The following HS6ST3 variants were observed in gnomAD, a reference collection of about 807,000 sequenced individuals.
HS6ST3 encodes heparan-sulfate 6-O-sulfotransferase 3.
A neutral mutation model predicts 36.7 loss-of-function variants in HS6ST3; 12 were observed. The ratio of observed to expected loss-of-function variants is 0.33; its 90% CI spans 0.21 to 0.53. HS6ST3 has a LOEUF of 0.53. HS6ST3 is among the 20% of genes least tolerant of loss of function. The pLI is 0.95. For synonymous variants in HS6ST3, 240 were observed against 257.5 expected, an observed-to-expected ratio of 0.93 and a Z score of 0.65; for missense variants, 584 against 640.9, an observed-to-expected ratio of 0.91 and a Z score of 0.96.
intron 1 of HS6ST3, among the ~76,000 whole-genome samples, chr13:96,615,176 C>T (rs1253247981): frequency 2.6e-5 from 4 of 152,130 alleles, no homozygotes; most frequent in African/African-American, 9.7e-5. Flanking sequence ...TACTGTTGCA[C>T]CAAACTGTAA....
At chr13:96,328,280 T>C (rs2055044136) in intron 1 of HS6ST3, among the ~76,000 whole-genome samples, 2 of 148,636 alleles carry the variant, frequency 1.3e-5, no homozygotes, top group African/African-American at 2.5e-5. Flanking sequence ...GGAATGCTTC[T>C]AGTTTTTGCC....
rs971208348 is a variant in HS6ST3, at chr13:96,248,060, G to A, written c.707+156491G>A. On this transcript the variant is annotated intron_variant, in intron 1 of 1. Coordinates refer to ENST00000376705, the MANE Select transcript of HS6ST3 (RefSeq NM_153456.4). ...ATCTTATAAATCAGACTTACTTATA[G>A]TCTGTTTTCCTTTTAAAGTATACAG... is the stretch of plus-strand genomic sequence containing the variant. 3.9e-5 allele frequency among the ~76,000 whole-genome samples: 6 copies of A among 152,062 alleles called. No homozygotes were observed. In the East Asian group the frequency reaches 1.2e-3, roughly 29 times the overall value.
intron 1 of HS6ST3, among the ~76,000 whole-genome samples, chr13:96,759,880 A>G (rs1045496136): frequency 6.6e-6 from 1 of 152,024 alleles, no homozygotes; most frequent in African/African-American, 2.4e-5. Flanking sequence ...CTTAGCTTCA[A>G]TTACTCCTTA....
intron 1 of HS6ST3, among the ~76,000 whole-genome samples, chr13:96,097,893 C>T (rs921425581): frequency 6.6e-6 from 1 of 152,130 alleles, no homozygotes; most frequent in African/African-American, 2.4e-5. Context: ...GAAAACATAG[C>T]AGCATAACTT....
intron 1 of HS6ST3, among the ~76,000 whole-genome samples, chr13:96,821,415 T>A (rs1327454528): frequency 6.6e-6 from 1 of 152,206 alleles, no homozygotes; most frequent in East Asian, 1.9e-4. Context: ...GACAGCCTGA[T>A]TTTTACAAGA....
At chr13:96,538,229 A>G (rs1172547719) in intron 1 of HS6ST3, among the ~76,000 whole-genome samples, 7 of 152,226 alleles carry the variant, frequency 4.6e-5, no homozygotes, top group Non-Finnish European at 1.0e-4. Context: ...AACAGATGCT[A>G]TTTTATTGTG....
At chr13:96,599,146 C>T (rs565030814) in intron 1 of HS6ST3, among the ~76,000 whole-genome samples, 2 of 151,778 alleles carry the variant, frequency 1.3e-5, no homozygotes, top group Admixed American at 1.3e-4. Flanking sequence ...TTCTTTCTTT[C>T]TTTTTGTCCT....
At chr13:96,246,653 CT>C (rs1238611634) in intron 1 of HS6ST3, among the ~76,000 whole-genome samples, 7 of 152,084 alleles carry the variant, frequency 4.6e-5, no homozygotes, top group African/African-American at 1.7e-4. Flanking sequence ...TGTTTGTTTC[CT>C]TTTTTGTGTG....
At chr13:96,713,876 C>T (rs1422698356) in intron 1 of HS6ST3, among the ~76,000 whole-genome samples, 1 of 151,940 alleles carries the variant, frequency 6.6e-6, no homozygotes, top group Non-Finnish European at 1.5e-5. Flanking sequence ...GAACAAAGAG[C>T]CTAGCAATCT....
intron 1 of HS6ST3, among the ~76,000 whole-genome samples, chr13:96,462,829 A>G (rs2055791724): frequency 6.6e-6 from 1 of 152,212 alleles, no homozygotes; most frequent in Non-Finnish European, 1.5e-5. Context: ...AATGAGTTGC[A>G]TTTCTAGATG....
intron 1 of HS6ST3, among the ~76,000 whole-genome samples, chr13:96,730,082 G>A (rs1008855839): frequency 6.6e-6 from 1 of 152,084 alleles, no homozygotes; most frequent in Non-Finnish European, 1.5e-5. Context: ...GCTATTGTTA[G>A]CCTTTGCATA....
At chr13:96,802,262 G>GA (rs1167951761) in intron 1 of HS6ST3, among the ~76,000 whole-genome samples, 1 of 152,146 alleles carries the variant, frequency 6.6e-6, no homozygotes, top group African/African-American at 2.4e-5. Flanking sequence ...GAAACCAGAA[G>GA]AAAATCAGGG....
At chr13:96,689,851 G>T (rs1281431121) in intron 1 of HS6ST3, among the ~76,000 whole-genome samples, 1 of 151,434 alleles carries the variant, frequency 6.6e-6, no homozygotes, top group Non-Finnish European at 1.5e-5. Flanking sequence ...ATTATACTAT[G>T]CAGTATCCAG....
At chr13:96,468,579 G>A (rs534685246) in intron 1 of HS6ST3, among the ~76,000 whole-genome samples, 1 of 151,804 alleles carries the variant, frequency 6.6e-6, no homozygotes, top group Non-Finnish European at 1.5e-5. Flanking sequence ...AGAAGTAAAA[G>A]ACATGCTGTT....
At chr13:96,271,802 A>G (rs2139388699) in intron 1 of HS6ST3, among the ~76,000 whole-genome samples, 1 of 152,098 alleles carries the variant, frequency 6.6e-6, no homozygotes, top group East Asian at 1.9e-4. Flanking sequence ...CTGCCAGAGA[A>G]GTCCAAATCC....
intron 1 of HS6ST3, among the ~76,000 whole-genome samples, chr13:96,463,907 G>C (rs775814747): frequency 1.3e-5 from 2 of 151,620 alleles, no homozygotes; most frequent in Non-Finnish European, 2.9e-5. Flanking sequence ...AAACTAAAAC[G>C]TGTTGTGAGG....
intron 1 of HS6ST3, among the ~76,000 whole-genome samples, chr13:96,769,724 A>C (rs776829524): frequency 8.7e-4 from 121 of 139,162 alleles, no homozygotes; most frequent in Non-Finnish European, 1.6e-3. Context: ...TTTGTTTCTC[A>C]TTCCTAGCTC....
intron 1 of HS6ST3, among the ~76,000 whole-genome samples, chr13:96,547,268 T>C (rs1209233948): frequency 6.6e-6 from 1 of 152,212 alleles, no homozygotes; most frequent in Admixed American, 6.6e-5. Context: ...TGGGTTTGGC[T>C]TAGGTAGCTG....
At chr13:96,647,165 T>G (rs1200216851) in intron 1 of HS6ST3, among the ~76,000 whole-genome samples, 20 of 151,996 alleles carry the variant, frequency 1.3e-4, no homozygotes, top group Admixed American at 6.6e-5. Context: ...CTACTAGTAT[T>G]AATACTTTTC....
Sources: allele counts gnomAD v4.1 joint callset (sites outside exome capture counted in the v4.1 genomes callset), GRCh38; gene constraint gnomAD v4.1.1; transcripts MANE v1.5; gene names NCBI Gene and HGNC (gene_info 2026-07-23, HGNC 2026-07-21).